The following DOCK3 variants were observed in gnomAD, a reference collection of about 807,000 sequenced individuals.
DOCK3 encodes dedicator of cytokinesis 3, also known as dedicator of cytokinesis protein 3.
A neutral mutation model predicts 265.6 loss-of-function variants in DOCK3; 60 were observed. The ratio of observed to expected loss-of-function variants is 0.23; its 90% confidence interval spans 0.18 to 0.28. The LOEUF is 0.28. Ranked by LOEUF, DOCK3 falls within the 10% of genes least tolerant of loss-of-function variation. The pLI is 1.00. For synonymous variants in DOCK3, 881 were observed against 938.0 expected, an observed-to-expected ratio of 0.94 and a Z score of 1.11; for missense variants, 1,981 against 2,594.3, an observed-to-expected ratio of 0.76 and a Z score of 5.14.
intron 3 of DOCK3, among the ~76,000 whole-genome samples, chr3:50,867,064 G>A (rs376167798): frequency 2.0e-5 from 3 of 152,116 alleles, no homozygotes; most frequent in African/African-American, 7.2e-5. Context: ...TCCAATCCAT[G>A]AACATGGAAT....
chr3:50,932,508 GT>G (rs1212355881), intron 4 of DOCK3, among the ~76,000 whole-genome samples: 1 of 152,032 alleles, frequency 6.6e-6, no homozygotes, highest in African/African-American at 2.4e-5. Context: ...CAACATTGGT[GT>G]GGACATTATA....
intron 1 of DOCK3, among the ~76,000 whole-genome samples, chr3:50,734,284 G>A (rs2038421880): frequency 6.6e-6 from 1 of 152,154 alleles, no homozygotes; most frequent in African/African-American, 2.4e-5. Flanking sequence ...TGAGGTTGGA[G>A]GATCACTTGA....
At chr3:50,946,493 T>C (rs2076431661) in intron 5 of DOCK3, among the ~76,000 whole-genome samples, 1 of 152,198 alleles carries the variant, frequency 6.6e-6, no homozygotes, top group South Asian at 2.1e-4. Flanking sequence ...GTTTACAATC[T>C]AAAAGTATAT....
chr3:51,013,542 C>G (rs988430248), intron 5 of DOCK3, among the ~76,000 whole-genome samples: 5 of 152,124 alleles, frequency 3.3e-5, no homozygotes, highest in Non-Finnish European at 5.9e-5. Context: ...CCTCTGGAAG[C>G]TTTGTCTCAG....
At chr3:51,139,392 T>A (rs1426732021) in intron 9 of DOCK3, among the ~76,000 whole-genome samples, 2 of 152,134 alleles carry the variant, frequency 1.3e-5, no homozygotes, top group East Asian at 3.8e-4. Context: ...AATTAGAAGG[T>A]TGATTTGTGC....
rs2085851554 is a variant in DOCK3, at chr3:51,349,769, G to A, written c.4003-519G>A. Among the ~76,000 whole-genome samples the A allele has an allele frequency of 1.3e-5, 2 of 152,176 alleles. 1 individual carries two copies. The highest frequency in any genetic ancestry group is 4.8e-5 in the African/African-American group (2 of 41,442). On this transcript the variant is annotated intron_variant, in intron 39 of 52. Coordinates refer to ENST00000266037, the MANE Select transcript of DOCK3 (RefSeq NM_004947.5). ...ATCTTAACTTGGAGTGAGTACCAGT[G>A]CTGTTGTCATCTGAGCCTTCCTCAC...
chr3:50,926,702 C>A (rs2050777013), intron 4 of DOCK3, among the ~76,000 whole-genome samples: 1 of 152,112 alleles, frequency 6.6e-6, no homozygotes. Context: ...AAGATGTGAG[C>A]ACGTTATGGA....
At chr3:51,034,133 T>C (rs1434739524) in intron 5 of DOCK3, among the ~76,000 whole-genome samples, 2 of 152,148 alleles carry the variant, frequency 1.3e-5, no homozygotes, top group Non-Finnish European at 2.9e-5. Flanking sequence ...TGATGTATAG[T>C]TTTTTCATAA....
chr3:51,033,438 TTTGA>T, intron 5 of DOCK3, among the ~76,000 whole-genome samples: 1 of 152,214 alleles, frequency 6.6e-6, no homozygotes, highest in African/African-American at 2.4e-5. Context: ...TAGCCATTGC[TTTGA>T]TTGTGCTTTG....
intron 9 of DOCK3, among the ~76,000 whole-genome samples, chr3:51,123,706 T>C (rs930391176): frequency 1.3e-5 from 2 of 152,184 alleles, no homozygotes; most frequent in African/African-American, 4.8e-5. Context: ...CCAAGGTTTA[T>C]TGGGGGCTGT....
At chr3:50,766,423 T>C (rs1576373208) in intron 1 of DOCK3, among the ~76,000 whole-genome samples, 1 of 152,110 alleles carries the variant, frequency 6.6e-6, no homozygotes, top group Non-Finnish European at 1.5e-5. Context: ...GTTTCCAGCT[T>C]CATCCATGTC....
chr3:50,742,397 C>T (rs1315535067), intron 1 of DOCK3, among the ~76,000 whole-genome samples: 8 of 151,882 alleles, frequency 5.3e-5, no homozygotes, highest in Admixed American at 1.3e-4. Context: ...CAAACTACTC[C>T]GAGCTACAGG....
At chr3:51,321,872 CAG>C (rs1403532249) in intron 32 of DOCK3, among the ~76,000 whole-genome samples, 1 of 152,138 alleles carries the variant, frequency 6.6e-6, no homozygotes. Context: ...CTGAAAGTGA[CAG>C]GGAGAATGGA....
intron 12 of DOCK3, among the ~76,000 whole-genome samples, chr3:51,161,383 G>A (rs539460103): frequency 2.6e-5 from 4 of 151,896 alleles, no homozygotes; most frequent in African/African-American, 7.2e-5. Context: ...GGCGGAGCTT[G>A]CAGTGAGCTG....
intron 12 of DOCK3, among the ~76,000 whole-genome samples, chr3:51,174,184 G>A (rs1007058511): frequency 3.3e-5 from 5 of 152,114 alleles, no homozygotes; most frequent in African/African-American, 7.2e-5. Flanking sequence ...GCTGGGCATG[G>A]TGGCTCACCC....
chr3:50,886,889 A>G (rs2048369935), intron 3 of DOCK3, among the ~76,000 whole-genome samples: 1 of 152,134 alleles, frequency 6.6e-6, no homozygotes, highest in Non-Finnish European at 1.5e-5. Context: ...TTTGTGCACT[A>G]AATGCCCACA....
chr3:51,355,776 T>A (rs1198821232), intron 41 of DOCK3, among the ~76,000 whole-genome samples: 1 of 152,026 alleles, frequency 6.6e-6, no homozygotes, highest in African/African-American at 2.4e-5. Context: ...TCCCATGGGG[T>A]GGATGCCTGC....
intron 2 of DOCK3, among the ~76,000 whole-genome samples, chr3:50,822,501 CTT>C (rs796519905): frequency 6.9e-6 from 1 of 145,702 alleles, no homozygotes. Context: ...AGCTCGGATA[CTT>C]TTTTTTTTTT....
chr3:51,131,745 A>G (rs1171406842), intron 9 of DOCK3, among the ~76,000 whole-genome samples: 3 of 152,194 alleles, frequency 2.0e-5, no homozygotes, highest in African/African-American at 2.4e-5. Context: ...CCATTATGGT[A>G]GGCCCATTTT....
Sources: allele counts gnomAD v4.1 joint callset (sites outside exome capture counted in the v4.1 genomes callset), GRCh38; gene constraint gnomAD v4.1.1; transcripts MANE v1.5; gene names NCBI Gene and HGNC (gene_info 2026-07-23, HGNC 2026-07-21).